Variants in ASTL observed in about 807,000 individuals in gnomAD.
ASTL encodes astacin like metalloendopeptidase.
A neutral mutation model predicts 36.7 loss-of-function variants in ASTL; 27 were observed. The observed-to-expected ratio is 0.73, with a 90% CI of 0.54 to 1.01. The LOEUF (loss-of-function observed/expected upper bound fraction) is 1.01, where lower values mean the gene tolerates loss of function less well. Among genes scored for constraint, ASTL ranks in the 50% least tolerant of loss-of-function variants. The pLI is 0.00. For synonymous variants in ASTL, 222 were observed against 228.1 expected (o/e 0.97, Z 0.24); for missense variants, 524 against 572.8 (o/e 0.91, Z 0.87).
At chr2:96,131,861 TG>T (rs1188274313) in intron 6 of ASTL, among the ~76,000 whole-genome samples, 6 of 152,110 alleles carry the variant, frequency 3.9e-5, no homozygotes, top group Non-Finnish European at 5.9e-5. Flanking sequence ...CCCTCCCTCG[TG>T]GGGCTCTTCC....
At chr2:96,126,762 A>G (rs921603018) in intron 8 of ASTL, among the ~76,000 whole-genome samples, 5 of 152,112 alleles carry the variant, frequency 3.3e-5, no homozygotes, top group Non-Finnish European at 7.4e-5. Context: ...AGGCTGAGGC[A>G]GGAGAATTGC....
At chr2:96,137,774 G>A in intron 1 of ASTL, 74 bp from the exon 2 acceptor site, 1 of 1,479,614 alleles carries the variant, frequency 6.8e-7, no homozygotes, top group South Asian at 1.2e-5. Flanking sequence ...AGGACATGGG[G>A]TGGGTGTGGG....
At chr2:96,136,710 A>C (rs1037102360) in intron 2 of ASTL, among the ~76,000 whole-genome samples, 8 of 152,108 alleles carry the variant, frequency 5.3e-5, no homozygotes, top group Non-Finnish European at 1.2e-4. Flanking sequence ...GTTCAGCCCG[A>C]TTGCTTCAAC....
At chr2:96,133,860 G>T in intron 4 of ASTL, 105 bp downstream of exon 4, 1 of 789,396 alleles carries the variant, frequency 1.3e-6, no homozygotes. Flanking sequence ...CGGGTGGGGA[G>T]GTGGAAGGGA....
rs910952276 is a variant in ASTL at position 96,123,391 on chromosome 2, T to C, written c.*459A>G. Among the ~76,000 whole-genome samples the C allele has an allele frequency of 2.0e-5, 3 of 152,154 alleles. No homozygotes were observed. Among genetic ancestry groups the C allele is most frequent in the Non-Finnish European group, 4.4e-5 (3 of 68,010 alleles). ...GAACATTCCCCCACACTTGGGCATG[T>C]TGGGTGGGATGGGAGGCTGTTCCCA... On this transcript the variant is annotated 3_prime_UTR_variant, in exon 9 of 9. Transcript: ENST00000342380.
intron 8 of ASTL, among the ~76,000 whole-genome samples, chr2:96,127,250 AG>A (rs924094891): frequency 3.3e-5 from 5 of 152,280 alleles, no homozygotes; most frequent in African/African-American, 9.6e-5. Flanking sequence ...TAGTGAGGGG[AG>A]GGAGAGGGCA....
At chr2:96,126,087 T>C (rs1024355490) in intron 8 of ASTL, among the ~76,000 whole-genome samples, 9 of 152,116 alleles carry the variant, frequency 5.9e-5, no homozygotes, top group Non-Finnish European at 2.9e-5. Context: ...AAGACTTACA[T>C]GGAAACAGGA....
intron 8 of ASTL, among the ~76,000 whole-genome samples, chr2:96,125,502 G>A (rs181859241): frequency 5.9e-5 from 9 of 151,950 alleles, no homozygotes; most frequent in East Asian, 3.9e-4. Context: ...CTTTCTCCCC[G>A]CTATATCCAC....
At chr2:96,126,051 TATAC>T (rs1280752692) in intron 8 of ASTL, among the ~76,000 whole-genome samples, 2 of 152,126 alleles carry the variant, frequency 1.3e-5, no homozygotes, top group African/African-American at 4.8e-5. Flanking sequence ...AAATAGGTCA[TATAC>T]CTAAATGTAA....
At chr2:96,137,796 TAAGACTCAGTCCCTAGG>T (rs1682336035) in intron 1 of ASTL, 96 bp from the exon 2 acceptor site, 6 of 1,270,014 alleles carry the variant, frequency 4.7e-6, no homozygotes, top group Non-Finnish European at 6.6e-6. Context: ...GATCAGACGG[TAAGACTCAGTCCCTAGG>T]AAGAGTAGGC....
rs1202229582 is a variant in ASTL, at chr2:96,137,437, A to G, written c.181+138T>C. The G allele has an allele frequency of 1.2e-5, 12 of 998,064 alleles. No individual in the cohort carries two copies. The African/African-American group carries it at 1.9e-4, about 16-fold the overall frequency. 61.8% of individuals were successfully genotyped at this position (998,064 alleles called of 1,614,324 possible). A position where few individuals can be genotyped will look rare whatever the true frequency, so the allele number is the denominator to read the frequency against. ...CGGGGCAATATAGCAACACCACTCC[A>G]TCTCTTAAAAACCACTTAGAGCCCA... On this transcript the variant is annotated intron_variant, in intron 2 of 8. Coordinates refer to ENST00000342380, the MANE Select transcript of ASTL (RefSeq NM_001002036.4).
At position 96,132,702 on chromosome 2, in the gene ASTL, G is replaced by A. The variant is rs145986421; in HGVS notation, c.475C>T (p.Arg159Cys). Residue 159 changes from arginine (R) to cysteine (C), a missense_variant, in exon 6 of 9, where the codon CGC becomes TGC. Coordinates refer to ENST00000342380, the MANE Select transcript of ASTL (RefSeq NM_001002036.4). The surrounding 1 kb of genome is among the most constrained non-coding windows in gnomAD (Gnocchi z 5.4). ...GAGACCACCTGCATCCCTCCACTGC[G>A]CCCCACACTCGAGAAGCACCTGCAG... is the stretch of plus-strand genomic sequence containing the variant. ...PMYGCFSSVG[R>C]SGGMQVVSLA... 4.3e-5 allele frequency: 70 copies of A among 1,611,456 alleles called. 1 individual carries two copies. Among genetic ancestry groups the A allele is most frequent in the South Asian group, 3.6e-4 (33 of 91,044 alleles).
In ASTL at chr2:96,132,681, C is replaced by T. The variant is rs1682207819; in HGVS notation, c.496G>A (p.Val166Ile). 1 of 1,612,956 alleles carries T rather than the reference C, an allele frequency of 6.2e-7. No homozygotes were observed. The highest frequency in any genetic ancestry group is 8.5e-7 in the Non-Finnish European group (1 of 1,179,356). The change falls in exon 6 of 9, where the codon GTC becomes ATC. Residue 166 changes from valine to isoleucine, a missense_variant. Physicochemically the swap from Val to Ile is conservative, Grantham distance 29. Coordinates refer to ENST00000342380, the MANE Select transcript of ASTL (RefSeq NM_001002036.4). This position sits in a 1 kb window ranked among gnomAD's most constrained non-coding sequence, Gnocchi z 5.4. ...TGGAGACACGTGGGCGCCAGGGAGACCACCTGCATCCCTCCACTGCGCCCC... is the reference window on the plus strand; with the variant it reads ...TGGAGACACGTGGGCGCCAGGGAGATCACCTGCATCCCTCCACTGCGCCCC... ...SVGRSGGMQV[V>I]SLAPTCLQKG... is the part of the protein sequence containing the mutation.
intron 8 of ASTL, among the ~76,000 whole-genome samples, chr2:96,125,479 C>T (rs1269241665): frequency 6.6e-6 from 1 of 152,138 alleles, no homozygotes; most frequent in Non-Finnish European, 1.5e-5. Flanking sequence ...TTTTTCCAAA[C>T]ATTCTGGGTG....
intron 8 of ASTL, among the ~76,000 whole-genome samples, chr2:96,126,872 C>A (rs2104765091): frequency 6.6e-6 from 1 of 151,568 alleles, no homozygotes; most frequent in South Asian, 2.1e-4. Flanking sequence ...AAAAAAAAAT[C>A]TTAGCAGTTA....
chr2:96,134,970 C>T (rs998201406), intron 3 of ASTL, among the ~76,000 whole-genome samples: 2 of 152,186 alleles, frequency 1.3e-5, no homozygotes, highest in African/African-American at 4.8e-5. Context: ...CCTAGGTCGC[C>T]ACTGCCACCA....
rs549889647 is a variant in ASTL at position 96,130,187 on chromosome 2, G to A, written c.638-42C>T. 6 of 1,524,316 alleles carry A rather than the reference G, an allele frequency of 3.9e-6. No individual in the cohort carries two copies. The African/African-American group carries it at 4.1e-5, about 10-fold the overall frequency. 94.4% of individuals were successfully genotyped at this position (1,524,316 alleles called of 1,614,324 possible). On this transcript the variant is annotated intron_variant, in intron 6 of 8. Coordinates refer to ENST00000342380, the MANE Select transcript of ASTL (RefSeq NM_001002036.4). ...AATACAACTTACTGATATATAAAGA[G>A]GGCAGGCAAGAAAGGGCAGGCAATG...
chr2:96,137,551 C>T (rs373826673), intron 2 of ASTL, 24 bp downstream of exon 2: 9 of 1,609,192 alleles, frequency 5.6e-6, no homozygotes, highest in African/African-American at 2.7e-5. Context: ...CCCTCCAGGC[C>T]GTGAGAAGAT....
At chr2:96,138,509 G>C (rs1235998901), upstream of ASTL, 6 of 1,299,510 alleles carry the variant, frequency 4.6e-6, no homozygotes, top group Middle Eastern at 1.8e-4. Flanking sequence ...TTGCAGAACC[G>C]GCACCACCAC....
Sources: allele counts gnomAD v4.1 joint callset (sites outside exome capture counted in the v4.1 genomes callset), GRCh38; gene constraint gnomAD v4.1.1; non-coding constraint Gnocchi (gnomAD v3.1); transcripts MANE v1.5; gene names NCBI Gene and HGNC (gene_info 2026-07-23, HGNC 2026-07-21).